The following PDGFD variants were observed in gnomAD, a reference collection of about 807,000 sequenced individuals.
PDGFD encodes platelet-derived growth factor D.
In PDGFD, 30 loss-of-function variants were observed where a neutral mutation model predicts 44.7. That is an observed-to-expected ratio of 0.67 (90% confidence interval 0.50 to 0.91). The LOEUF is 0.91. Ranked by LOEUF, PDGFD falls within the 40% of genes least tolerant of loss-of-function variation. The probability of loss-of-function intolerance (pLI) is 0.00; values close to 1 mark genes in which losing one functional copy is unlikely to be tolerated. For synonymous variants in PDGFD, 173 were observed against 168.4 expected, an observed-to-expected ratio of 1.03 and a Z score of -0.21; for missense variants, 445 against 457.8, an observed-to-expected ratio of 0.97 and a Z score of 0.25.
intron 6 of PDGFD, among the ~76,000 whole-genome samples, chr11:103,912,068 C>G (rs1309982080): frequency 6.6e-6 from 1 of 152,120 alleles, no homozygotes; most frequent in Non-Finnish European, 1.5e-5. Context: ...AGGGTATTAT[C>G]CAGGAGAATT....
At chr11:104,103,462 G>GTGTATATATATA (rs1041388346) in intron 1 of PDGFD, among the ~76,000 whole-genome samples, 3 of 133,262 alleles carry the variant, frequency 2.3e-5, no homozygotes, top group East Asian at 4.4e-4. Flanking sequence ...GTGTGTGTGT[G>GTGTATATATATA]TATATATATA....
intron 1 of PDGFD, among the ~76,000 whole-genome samples, chr11:104,006,606 A>AGGG (rs1859705158): frequency 6.6e-6 from 1 of 152,158 alleles, no homozygotes; most frequent in South Asian, 2.1e-4. Context: ...CTGTACCCAT[A>AGGG]ATAACTCCAG....
At chr11:104,042,217 C>A (rs918131058) in intron 1 of PDGFD, among the ~76,000 whole-genome samples, 2 of 152,148 alleles carry the variant, frequency 1.3e-5, no homozygotes, top group African/African-American at 4.8e-5. Flanking sequence ...TATAGACTAG[C>A]TACCATTCCA....
At chr11:103,976,725 T>C (rs1169946018) in intron 3 of PDGFD, among the ~76,000 whole-genome samples, 4 of 152,152 alleles carry the variant, frequency 2.6e-5, no homozygotes, top group Non-Finnish European at 4.4e-5. Context: ...CTCAATAAAC[T>C]ATTAAGATAG....
chr11:103,942,828 C>A (rs957891523), intron 5 of PDGFD, among the ~76,000 whole-genome samples: 1 of 152,146 alleles, frequency 6.6e-6, no homozygotes, highest in Admixed American at 6.6e-5. Context: ...CCTCATTCTT[C>A]TTCATTGCTA....
chr11:104,006,936 GGAGCTGGT>G (rs1228604736), intron 1 of PDGFD, among the ~76,000 whole-genome samples: 3 of 152,192 alleles, frequency 2.0e-5, no homozygotes, highest in Non-Finnish European at 4.4e-5. Flanking sequence ...AAGAGGGCAT[GGAGCTGGT>G]TAATACTTAA....
chr11:103,998,889 T>C (rs1246115843), intron 2 of PDGFD, among the ~76,000 whole-genome samples: 2 of 152,196 alleles, frequency 1.3e-5, no homozygotes, highest in Non-Finnish European at 2.9e-5. Context: ...GGAAGTGTTC[T>C]ATGGGCAGAA....
chr11:103,928,143 G>A (rs765427257), intron 5 of PDGFD, among the ~76,000 whole-genome samples: 11 of 152,102 alleles, frequency 7.2e-5, no homozygotes, highest in East Asian at 1.9e-4. Context: ...AATTCAATTC[G>A]CATTATTGTG....
intron 3 of PDGFD, among the ~76,000 whole-genome samples, chr11:103,988,559 G>A (rs1234839684): frequency 6.6e-6 from 1 of 152,184 alleles, no homozygotes; most frequent in Non-Finnish European, 1.5e-5. Context: ...GGCAGCAAGT[G>A]TGGGGTACTT....
intron 3 of PDGFD, among the ~76,000 whole-genome samples, chr11:103,974,663 GT>G (rs972268775): frequency 1.2e-4 from 19 of 152,036 alleles, no homozygotes; most frequent in African/African-American, 4.6e-4. Flanking sequence ...GGTGTGTGAT[GT>G]TCCTCTCCCT....
At chr11:104,139,955 G>A in intron 1 of PDGFD, among the ~76,000 whole-genome samples, 1 of 76,556 alleles carries the variant, frequency 1.3e-5, no homozygotes, top group Non-Finnish European at 2.4e-5. Context: ...AGCTACTCGG[G>A]AGGCTGAGGC....
chr11:103,986,648 G>A (rs73602312), intron 3 of PDGFD, among the ~76,000 whole-genome samples: 310 of 152,222 alleles, frequency 2.0e-3, no homozygotes, highest in African/African-American at 7.3e-3. Flanking sequence ...CTGAGTGTAG[G>A]CCAAACTAAC....
chr11:103,951,352 G>A (rs564628317), intron 3 of PDGFD, among the ~76,000 whole-genome samples: 66 of 152,176 alleles, frequency 4.3e-4, no homozygotes, highest in African/African-American at 1.5e-3. Context: ...CATCTCTTCC[G>A]CCATAACCTC....
At chr11:104,144,540 A>AACC (rs1183452619) in intron 1 of PDGFD, among the ~76,000 whole-genome samples, 3,288 of 134,914 alleles carry the variant, frequency 0.024, 178 homozygotes, top group African/African-American at 0.095. Context: ...CCAACAAAAC[A>AACC]AAACAAACAA....
intron 3 of PDGFD, among the ~76,000 whole-genome samples, chr11:103,988,845 G>A (rs774376956): frequency 9.2e-5 from 14 of 152,166 alleles, no homozygotes; most frequent in Non-Finnish European, 1.3e-4. Context: ...CTAAGATAAT[G>A]CAGCTTTAAA....
In PDGFD at chr11:104,143,086, A is replaced by G. The variant is rs2119880440; in HGVS notation, c.124+20718T>C. 1.3e-5 allele frequency among the ~76,000 whole-genome samples: 2 copies of G among 152,344 alleles called. 1 individual carries two copies. The highest frequency in any genetic ancestry group is 4.8e-5 in the African/African-American group (2 of 41,578). On this transcript the variant is annotated intron_variant, in intron 1 of 6. Transcript: ENST00000393158. Reference sequence around the variant, plus strand: ...TCCTTACAGTGTGTATTTTCAGAACATAACAATAGGATATTGTCGTTAATA... The same window carrying G: ...TCCTTACAGTGTGTATTTTCAGAACGTAACAATAGGATATTGTCGTTAATA...
rs576953198 is a variant in PDGFD, at chr11:104,049,023, G to T, written c.125-48768C>A. ...CTGAGGAACACAGAGGTTGTGTCTTGTCAAGGTCACAGAGCTAGTCAGTGG... is the reference window on the plus strand; with the variant it reads ...CTGAGGAACACAGAGGTTGTGTCTTTTCAAGGTCACAGAGCTAGTCAGTGG... On this transcript the variant is annotated intron_variant, in intron 1 of 6. Coordinates refer to ENST00000393158, the MANE Select transcript of PDGFD (RefSeq NM_025208.5). 1.2e-4 allele frequency among the ~76,000 whole-genome samples: 18 copies of T among 152,300 alleles called. 1 individual carries two copies. In the South Asian group the frequency reaches 3.7e-3, roughly 32 times the overall value.
At chr11:104,149,675 A>G (rs940213972) in intron 1 of PDGFD, among the ~76,000 whole-genome samples, 1 of 152,148 alleles carries the variant, frequency 6.6e-6, no homozygotes, top group African/African-American at 2.4e-5. Context: ...TGTATTTTAC[A>G]ATAATATGCA....
chr11:104,135,009 G>C (rs1861981938), intron 1 of PDGFD, among the ~76,000 whole-genome samples: 1 of 152,206 alleles, frequency 6.6e-6, no homozygotes. Context: ...GGCCAGTGGG[G>C]AGGAGCAGGG....
Sources: gnomAD v4.1 joint callset for allele counts (sites outside exome capture counted in the v4.1 genomes callset) on GRCh38, gnomAD v4.1.1 for gene constraint, MANE v1.5 for transcripts, NCBI Gene and HGNC (gene_info 2026-07-23, HGNC 2026-07-21) for gene names.